Variants in PRELID2 observed in about 807,000 individuals in gnomAD.
The protein encoded by PRELID2 is PRELI domain containing 2.
In PRELID2, 25 loss-of-function variants were observed where a neutral mutation model predicts 28.4. The observed-to-expected ratio is 0.88, with a 90% confidence interval of 0.64 to 1.23. PRELID2 has a LOEUF of 1.23. Among genes scored for constraint, PRELID2 ranks in the 50% most tolerant of loss-of-function variants. PRELID2 has a pLI of 0.00. For synonymous variants in PRELID2, 76 were observed against 71.6 expected, an observed-to-expected ratio of 1.06 and a Z score of -0.31; for missense variants, 201 against 214.4, an observed-to-expected ratio of 0.94 and a Z score of 0.39.
the PRELID2 span, among the ~76,000 whole-genome samples, chr5:145,354,401 T>C: frequency 3.3e-5 from 5 of 152,168 alleles, no homozygotes; most frequent in Non-Finnish European, 5.9e-5. Flanking sequence ...AGCTATGAGG[T>C]AACAACACTC....
intron 1 of PRELID2, among the ~76,000 whole-genome samples, chr5:145,750,540 T>C (rs1170204120): frequency 6.6e-6 from 1 of 152,162 alleles, no homozygotes; most frequent in Non-Finnish European, 1.5e-5. Context: ...TTCTTAAGTT[T>C]TCATCTTAAT....
intron 1 of PRELID2, among the ~76,000 whole-genome samples, chr5:145,693,150 CTTT>C (rs747936867): frequency 7.1e-5 from 10 of 141,672 alleles, no homozygotes; most frequent in African/African-American, 5.2e-5. Context: ...ATAAATAAAT[CTTT>C]TTTTTTTTTT....
At chr5:145,666,890 C>T (rs1372965644) in intron 1 of PRELID2, among the ~76,000 whole-genome samples, 2 of 151,976 alleles carry the variant, frequency 1.3e-5, no homozygotes, top group South Asian at 2.1e-4. Context: ...CACACCAATT[C>T]AGAACTGATG....
intron 1 of PRELID2, among the ~76,000 whole-genome samples, chr5:145,829,063 G>T (rs113803429): frequency 0.02 from 3,066 of 151,460 alleles, 83 homozygotes; most frequent in African/African-American, 0.057. Flanking sequence ...GTTGTTGGTG[G>T]TGGTGGTGGT....
chr5:145,747,504 T>A (rs1459991203), intron 1 of PRELID2, among the ~76,000 whole-genome samples: 1 of 152,078 alleles, frequency 6.6e-6, no homozygotes, highest in African/African-American at 2.4e-5. Flanking sequence ...AATAGACCAA[T>A]AACAAGTTCT....
the PRELID2 span, among the ~76,000 whole-genome samples, chr5:145,446,997 T>A: frequency 1.3e-5 from 2 of 151,110 alleles, no homozygotes; most frequent in Non-Finnish European, 2.9e-5. Context: ...TGCAGTGAGC[T>A]GAGATCCCAG....
the PRELID2 span, among the ~76,000 whole-genome samples, chr5:145,462,230 T>C: frequency 6.6e-6 from 1 of 152,184 alleles, no homozygotes; most frequent in Admixed American, 6.5e-5. Flanking sequence ...GACTGAAACA[T>C]AATCCAAATT....
intron 1 of PRELID2, among the ~76,000 whole-genome samples, chr5:145,741,473 AAATT>A (rs1288231066): frequency 2.2e-4 from 7 of 32,414 alleles, no homozygotes; most frequent in African/African-American, 5.9e-4. Context: ...TATATAAACA[AAATT>A]TATTTATAAA....
At position 145,739,312 on chromosome 5, in the gene PRELID2, C is replaced by T. The variant is rs184808488; in HGVS notation, n.70+25619G>A. 1.5e-3 allele frequency among the ~76,000 whole-genome samples: 227 copies of T among 152,148 alleles called. 1 individual carries two copies. The highest frequency in any genetic ancestry group is 5.0e-3 in the African/African-American group (208 of 41,514). ...TGAGCTCAGGAATTTAAGACTACCC[C>T]GGCCAACATGGTGAAACCTCATCTC... On this transcript the variant is annotated intron_variant and non_coding_transcript_variant, in intron 1 of 2. Transcript: ENST00000510259.
downstream of PRELID2, among the ~76,000 whole-genome samples, chr5:145,470,950 T>C (rs1040197103): frequency 2.0e-5 from 3 of 152,072 alleles, no homozygotes. Context: ...CTTCTATGGC[T>C]GCTTGACAGT....
At chr5:145,647,676 C>T (rs1002881310) in intron 1 of PRELID2, among the ~76,000 whole-genome samples, 2 of 152,190 alleles carry the variant, frequency 1.3e-5, no homozygotes, top group African/African-American at 2.4e-5. Context: ...GCAAAGGCAC[C>T]GGAGGGAATC....
At chr5:145,691,718 A>C (rs1244546212) in intron 1 of PRELID2, among the ~76,000 whole-genome samples, 1 of 150,206 alleles carries the variant, frequency 6.7e-6, no homozygotes, top group Non-Finnish European at 1.5e-5. Flanking sequence ...ACTCCATCTC[A>C]AAAAAAAAAT....
At position 145,806,100 on chromosome 5, in the gene PRELID2, G is replaced by T. The variant is rs1319830792; in HGVS notation, c.369-9553C>A. On this transcript the variant is annotated intron_variant, in intron 4 of 6. Coordinates refer to ENST00000683046, the MANE Select transcript of PRELID2 (RefSeq NM_205846.3). Reference sequence around the variant, plus strand: ...GACTTTATAAATACTGTACACCTAGGCTACACTAAATTTATTTTTAAAATT... The same window carrying T: ...GACTTTATAAATACTGTACACCTAGTCTACACTAAATTTATTTTTAAAATT... Among the ~76,000 whole-genome samples, 9 of 152,006 alleles carry T rather than the reference G, an allele frequency of 5.9e-5. 1 individual carries two copies. Among genetic ancestry groups the T allele is most frequent in the African/African-American group, 2.2e-4 (9 of 41,482 alleles).
Position 145,631,076 on chromosome 5 carries a change from T to C in PRELID2, n.70+133855A>G, listed in dbSNP as rs76755119. 4.6e-3 allele frequency among the ~76,000 whole-genome samples: 697 copies of C among 152,304 alleles called. 4 individuals carry two copies. Among genetic ancestry groups the C allele is most frequent in the African/African-American group, 0.016 (661 of 41,562 alleles). On this transcript the variant is annotated intron_variant and non_coding_transcript_variant, in intron 1 of 2. Coordinates refer to the PRELID2 transcript ENST00000510259. The stretch of plus-strand genomic sequence containing the variant: ...GATAATCAAAAGAAGTGATTGTGAA[T>C]GTACTTTGTAAATGAAGCTCCACAC...
chr5:145,334,172 C>G, the PRELID2 span, among the ~76,000 whole-genome samples: 1 of 152,278 alleles, frequency 6.6e-6, no homozygotes, highest in East Asian at 1.9e-4. Context: ...CACCCACTTT[C>G]TGTGTTGATC....
At chr5:145,831,503 T>C (rs1755582381) in intron 1 of PRELID2, among the ~76,000 whole-genome samples, 1 of 152,164 alleles carries the variant, frequency 6.6e-6, no homozygotes, top group Admixed American at 6.5e-5. Flanking sequence ...AGCATAATGA[T>C]CAAGATCCAG....
At chr5:145,613,588 T>C (rs1753653534) in intron 1 of PRELID2, among the ~76,000 whole-genome samples, 1 of 151,914 alleles carries the variant, frequency 6.6e-6, no homozygotes, top group South Asian at 2.1e-4. Flanking sequence ...ATGTTCTCAC[T>C]CACAGGTGGG....
At chr5:145,525,019 T>C (rs1752595742) in intron 1 of PRELID2, among the ~76,000 whole-genome samples, 1 of 152,224 alleles carries the variant, frequency 6.6e-6, no homozygotes, top group Non-Finnish European at 1.5e-5. Flanking sequence ...CTAATGCTAA[T>C]ATCAATACTA....
At chr5:145,765,351 T>C (rs956734418) in intron 5 of PRELID2, among the ~76,000 whole-genome samples, 3 of 152,136 alleles carry the variant, frequency 2.0e-5, no homozygotes, top group Non-Finnish European at 4.4e-5. Flanking sequence ...CATTTACAAA[T>C]ATGCTAGATT....
Sources: allele counts gnomAD v4.1 joint callset (sites outside exome capture counted in the v4.1 genomes callset), GRCh38; gene constraint gnomAD v4.1.1; transcripts MANE v1.5; gene names NCBI Gene and HGNC (gene_info 2026-07-23, HGNC 2026-07-21).